DMD: variants seen among roughly 807,000 people sequenced by gnomAD.
The protein encoded by DMD is mutant dystrophin.
DMD carries 63 observed loss-of-function variants against 330.1 expected under a neutral mutation model. The ratio of observed to expected loss-of-function variants is 0.19; its 90% CI spans 0.16 to 0.24. DMD has a LOEUF of 0.24. Among genes scored for constraint, DMD ranks in the 10% least tolerant of loss-of-function variants. The pLI is 1.00. For missense variants in DMD, 3,344 were observed against 2,684.1 expected (o/e 1.25, Z -5.43); for synonymous variants, 1,223 against 959.8 (o/e 1.27, Z -5.07).
chrX:32,469,540 T>G (rs758808028), intron 22 of DMD, among the ~76,000 whole-genome samples: 26 of 111,178 alleles, frequency 2.3e-4, no homozygotes, highest in Non-Finnish European at 4.5e-4. Flanking sequence ...GTTTTATAGT[T>G]TCATAGTATC....
chrX:31,197,615 C>G (rs1004047398), intron 67 of DMD, among the ~76,000 whole-genome samples: 1 of 111,646 alleles, frequency 9.0e-6, no homozygotes, highest in Non-Finnish European at 1.9e-5. Flanking sequence ...CTAAGTACAA[C>G]AGGAGGCAGA....
In DMD at chrX:33,257,904, T is replaced by C. The variant is rs368706683; in HGVS notation, c.7+81355A>G. ...CCTACTCACTCCAGCTGCATTTATA[T>C]AGAGGCTCTCAGTTGCACAAAAGAT... On this transcript the variant is annotated intron_variant, in intron 1 of 17. Transcript: ENST00000288447. 3.6e-5 allele frequency among the ~76,000 whole-genome samples: 4 copies of C among 110,794 alleles called. No individual in the cohort carries two copies. In the East Asian group the frequency reaches 1.1e-3, roughly 31 times the overall value.
rs142175090 is a variant in DMD, at chrX:32,455,317, C to T, written c.3433-485G>A. ...GTGCATAAAACGTAGTTTGGCAATT[C>T]ACAAAGAAGATAATATATGGCAATA... is the stretch of plus-strand genomic sequence containing the variant. On this transcript the variant is annotated intron_variant, in intron 25 of 78. Transcript: ENST00000357033. 3.2e-3 allele frequency among the ~76,000 whole-genome samples: 352 copies of T among 110,912 alleles called. 2 individuals carry two copies. The highest frequency in any genetic ancestry group is 0.011 in the African/African-American group (342 of 30,711).
intron 24 of DMD, among the ~76,000 whole-genome samples, chrX:32,464,286 A>G (rs1282106416): frequency 9.0e-6 from 1 of 110,998 alleles, no homozygotes; most frequent in African/African-American, 3.3e-5. Flanking sequence ...CATTTACTCA[A>G]CCCAGGGTTT....
At chrX:32,378,980 A>G (rs1284496684) in intron 34 of DMD, among the ~76,000 whole-genome samples, 2 of 109,473 alleles carry the variant, frequency 1.8e-5, no homozygotes, top group South Asian at 3.9e-4. Flanking sequence ...TCTGCAGGGC[A>G]TATATTCTTT....
Position 32,518,039 on chromosome X carries a change from C to A in DMD, c.2261G>T (p.Gly754Val), listed in dbSNP as rs151242451. ...SPEFAIFRKE[G>V]NFSDLKEKVN... ...TTTTTCTTTTAAGTCTGAGAAGTTG[C>A]CTTCCTTCCGAAAGATTGCAAATTC... Residue 754 changes from glycine (G) to valine (V), a missense_variant, in exon 18 of 79, where the codon GGC becomes GTC. Transcript: ENST00000357033. 1.9e-4 allele frequency: 227 copies of A among 1,208,580 alleles called. No individual in the cohort carries two copies. In the African/African-American group the frequency reaches 3.4e-3, roughly 18 times the overall value.
chrX:31,216,072 G>T (rs1001577005), intron 64 of DMD, among the ~76,000 whole-genome samples: 1 of 112,581 alleles, frequency 8.9e-6, no homozygotes, highest in Non-Finnish European at 1.9e-5. Flanking sequence ...TGAAATAAAA[G>T]AAACTTCTAT....
At chrX:31,922,531 C>T (rs867511063) in intron 47 of DMD, among the ~76,000 whole-genome samples, 4 of 69,420 alleles carry the variant, frequency 5.8e-5, no homozygotes, top group African/African-American at 1.7e-4. Flanking sequence ...TGTGTGCGCG[C>T]GCGTGCGCTA....
intron 60 of DMD, among the ~76,000 whole-genome samples, chrX:31,384,337 ACTACTACTAC>A (rs2060342711): frequency 9.1e-6 from 1 of 109,745 alleles, no homozygotes; most frequent in Non-Finnish European, 1.9e-5. Flanking sequence ...TACTACTACT[ACTACTACTAC>A]TACTACTACT....
intron 30 of DMD, among the ~76,000 whole-genome samples, chrX:32,406,503 G>C (rs1052239653): frequency 9.0e-6 from 1 of 110,517 alleles, no homozygotes; most frequent in Non-Finnish European, 1.9e-5. Flanking sequence ...TGGATCTATT[G>C]AGATAATCAT....
At chrX:31,137,338 G>A (rs1486493351) in intron 76 of DMD, among the ~76,000 whole-genome samples, 2 of 111,951 alleles carry the variant, frequency 1.8e-5, no homozygotes, top group East Asian at 2.8e-4. Flanking sequence ...TTTAAGAATC[G>A]AAATCAGACA....
chrX:33,331,712 G>C (rs902953917), intron 1 of DMD, among the ~76,000 whole-genome samples: 19 of 111,348 alleles, frequency 1.7e-4, no homozygotes, highest in African/African-American at 5.5e-4. Flanking sequence ...GTTTCCAGTT[G>C]TCATCCTGTA....
At chrX:32,593,134 G>A (rs1003081492) in intron 13 of DMD, among the ~76,000 whole-genome samples, 1 of 112,824 alleles carries the variant, frequency 8.9e-6, no homozygotes, top group Non-Finnish European at 1.9e-5. Context: ...AGCCCAGCGG[G>A]CACAAGCAAA....
At chrX:32,040,139 C>G (rs951285972) in intron 44 of DMD, among the ~76,000 whole-genome samples, 1 of 111,703 alleles carries the variant, frequency 9.0e-6, no homozygotes, top group Non-Finnish European at 1.9e-5. Flanking sequence ...CTGTTTAGCA[C>G]GCATATTATT....
At chrX:31,988,183 G>T (rs2095522639) in intron 44 of DMD, among the ~76,000 whole-genome samples, 1 of 110,468 alleles carries the variant, frequency 9.1e-6, no homozygotes, top group South Asian at 3.8e-4. Flanking sequence ...AAGAAAAAGT[G>T]CTATTTAAGC....
At chrX:32,761,867 C>T (rs1201998254) in intron 7 of DMD, among the ~76,000 whole-genome samples, 4 of 111,049 alleles carry the variant, frequency 3.6e-5, no homozygotes, top group Non-Finnish European at 3.8e-5. Flanking sequence ...CCTGAGTCCT[C>T]GGGCTGGGCA....
At chrX:33,048,694 TAAAAAAAAA>T (rs748856962) in intron 1 of DMD, among the ~76,000 whole-genome samples, 6 of 35,618 alleles carry the variant, frequency 1.7e-4, no homozygotes, top group African/African-American at 4.3e-4. Context: ...ACTCCCCATC[TAAAAAAAAA>T]AAAAAAAAAA....
intron 1 of DMD, among the ~76,000 whole-genome samples, chrX:33,096,075 C>A (rs1246526053): frequency 9.6e-6 from 1 of 103,823 alleles, no homozygotes; most frequent in Non-Finnish European, 2.0e-5. Flanking sequence ...CTTGGGCTCA[C>A]GCCATTCTCC....
intron 1 of DMD, among the ~76,000 whole-genome samples, chrX:33,057,265 T>C (rs2094528955): frequency 9.0e-6 from 1 of 111,649 alleles, no homozygotes. Context: ...TCAGTGCCTG[T>C]CCATCTTGTT....
Sources: gnomAD v4.1 joint callset for allele counts (sites outside exome capture counted in the v4.1 genomes callset) on GRCh38, gnomAD v4.1.1 for gene constraint, MANE v1.5 for transcripts, NCBI Gene and HGNC (gene_info 2026-07-23, HGNC 2026-07-21) for gene names.